Variants in PTPRM observed in about 807,000 individuals in gnomAD.
PTPRM encodes the protein receptor-type tyrosine-protein phosphatase mu.
A neutral mutation model predicts 186.7 loss-of-function variants in PTPRM; 47 were observed. The observed-to-expected ratio is 0.25, with a 90% CI of 0.20 to 0.32. The LOEUF (loss-of-function observed/expected upper bound fraction) is 0.32. PTPRM is among the 10% of genes least tolerant of loss of function. The pLI is 1.00. For missense variants in PTPRM, 1,494 were observed against 1,865.0 expected (o/e 0.80, Z 3.66); for synonymous variants, 668 against 674.9 (o/e 0.99, Z 0.16).
chr18:7,654,967 A>T (rs2038813551), intron 1 of PTPRM, among the ~76,000 whole-genome samples: 1 of 151,896 alleles, frequency 6.6e-6, no homozygotes, highest in Non-Finnish European at 1.5e-5. Context: ...TTTTAAATAG[A>T]TTTTTCTAGT....
At chr18:7,626,007 T>G (rs1192443183) in intron 1 of PTPRM, among the ~76,000 whole-genome samples, 1 of 152,180 alleles carries the variant, frequency 6.6e-6, no homozygotes, top group Non-Finnish European at 1.5e-5. Flanking sequence ...CTCAGCTTCA[T>G]TTTCCTGTAA....
chr18:8,282,935 C>T (rs973205273), intron 19 of PTPRM, among the ~76,000 whole-genome samples: 4 of 152,280 alleles, frequency 2.6e-5, no homozygotes, highest in African/African-American at 9.6e-5. Flanking sequence ...TAGACAACAA[C>T]TTGGATGGAT....
At chr18:7,591,020 C>T (rs1188927361) in intron 1 of PTPRM, among the ~76,000 whole-genome samples, 1 of 152,180 alleles carries the variant, frequency 6.6e-6, no homozygotes, top group Non-Finnish European at 1.5e-5. Flanking sequence ...TATGAACTGG[C>T]TGGCAAAGAG....
rs113416367 is a variant in PTPRM at position 7,977,192 on chromosome 18, T to C, written c.1132+21778T>C. On this transcript the variant is annotated intron_variant, in intron 7 of 32. Coordinates refer to ENST00000580170, the MANE Select transcript of PTPRM (RefSeq NM_001105244.2). ...GCAACCTCCACCTCCTGGGATCAAG[T>C]AATTCTCCTGCCTCAGCCTCCTGAG... Among the ~76,000 whole-genome samples the C allele has an allele frequency of 5.0e-3, 755 of 152,212 alleles. 7 individuals are homozygous for C. The highest frequency in any genetic ancestry group is 0.017 in the African/African-American group (715 of 41,542).
In PTPRM at chr18:8,384,311, A is replaced by G. The variant is rs567270242; in HGVS notation, c.3919-250A>G. On this transcript the variant is annotated intron_variant, in intron 29 of 32. Transcript: ENST00000580170. The stretch of plus-strand genomic sequence containing the variant: ...CTGTGTCTCCAAAAATACAAAAATT[A>G]GCCAGGCATGGTAGCACACACCTGT... Among the ~76,000 whole-genome samples the G allele has an allele frequency of 3.3e-5, 5 of 152,280 alleles. No homozygotes were observed. In the East Asian group the frequency reaches 9.7e-4, roughly 29 times the overall value.
intron 14 of PTPRM, among the ~76,000 whole-genome samples, chr18:8,220,985 A>G (rs908652568): frequency 1.3e-5 from 2 of 152,324 alleles, no homozygotes; most frequent in Non-Finnish European, 2.9e-5. Context: ...GAACAAAATG[A>G]GAATAATCAG....
At chr18:8,203,171 T>G (rs2093881419) in intron 14 of PTPRM, among the ~76,000 whole-genome samples, 1 of 152,248 alleles carries the variant, frequency 6.6e-6, no homozygotes, top group African/African-American at 2.4e-5. Context: ...GATTCAGTTA[T>G]ATGGAGCAGC....
At chr18:7,749,599 A>G (rs989759266) in intron 1 of PTPRM, among the ~76,000 whole-genome samples, 5 of 152,116 alleles carry the variant, frequency 3.3e-5, no homozygotes, top group Admixed American at 6.5e-5. Context: ...TGGAAGGGTA[A>G]TTAGAGTCTG....
At chr18:7,981,012 G>C (rs2082519064) in intron 7 of PTPRM, among the ~76,000 whole-genome samples, 2 of 152,212 alleles carry the variant, frequency 1.3e-5, no homozygotes, top group African/African-American at 4.8e-5. Context: ...CTCTCCATCA[G>C]TTCCCCTTGT....
At chr18:8,323,176 G>A (rs1047402885) in intron 22 of PTPRM, among the ~76,000 whole-genome samples, 3 of 152,074 alleles carry the variant, frequency 2.0e-5, no homozygotes, top group African/African-American at 7.2e-5. Flanking sequence ...AGATAACTCA[G>A]GGAAAGACCA....
At position 8,321,787 on chromosome 18, in the gene PTPRM, G is replaced by A. The variant is rs78351123; in HGVS notation, c.2956+2573G>A. Among the ~76,000 whole-genome samples, 808 of 152,252 alleles carry A rather than the reference G, an allele frequency of 5.3e-3. 5 individuals carry two copies. The highest frequency in any genetic ancestry group is 0.019 in the African/African-American group (772 of 41,536). ...TGAATGAATATTTTTAATCTAACAT[G>A]CAGTCAAGAATATACATATCATATT... On this transcript the variant is annotated intron_variant, in intron 22 of 32. Coordinates refer to ENST00000580170, the MANE Select transcript of PTPRM (RefSeq NM_001105244.2).
intron 22 of PTPRM, among the ~76,000 whole-genome samples, chr18:8,340,628 C>A (rs1198975773): frequency 2.6e-5 from 4 of 152,260 alleles, no homozygotes; most frequent in South Asian, 2.1e-4. Context: ...TACATCCAAG[C>A]AAAACAGGAT....
Position 8,041,005 on chromosome 18 carries a change from A to G in PTPRM, c.1133-28681A>G, listed in dbSNP as rs181135238. 3.6e-3 allele frequency among the ~76,000 whole-genome samples: 554 copies of G among 152,292 alleles called. 4 individuals are homozygous for G. The highest frequency in any genetic ancestry group is 4.3e-3 in the Admixed American group (66 of 15,286). On this transcript the variant is annotated intron_variant, in intron 7 of 32. Coordinates refer to ENST00000580170, the MANE Select transcript of PTPRM (RefSeq NM_001105244.2). ...AGTAAAGTCTTGTCTCGCATTCTCC[A>G]TTTAGCCAACATTGTTGGTGGTAAT...
chr18:8,183,262 A>G (rs2098264), intron 14 of PTPRM, among the ~76,000 whole-genome samples: 47,753 of 152,058 alleles, frequency 0.31, 7,852 homozygotes, highest in Non-Finnish European at 0.38. Context: ...CTTACAAGTT[A>G]TTTAAATATG....
chr18:7,945,327 G>A (rs2052451079), intron 5 of PTPRM, among the ~76,000 whole-genome samples: 2 of 151,910 alleles, frequency 1.3e-5, no homozygotes, highest in Non-Finnish European at 2.9e-5. Context: ...ATCCAGGCAT[G>A]GTGGCGGGCA....
intron 2 of PTPRM, among the ~76,000 whole-genome samples, chr18:7,795,549 T>A (rs1318572200): frequency 2.6e-5 from 4 of 152,134 alleles, no homozygotes; most frequent in African/African-American, 9.6e-5. Context: ...TATGTCTTTG[T>A]TTGTGAGAGT....
At chr18:7,650,666 A>C (rs914868010) in intron 1 of PTPRM, among the ~76,000 whole-genome samples, 2 of 152,174 alleles carry the variant, frequency 1.3e-5, no homozygotes, top group Non-Finnish European at 2.9e-5. Context: ...TCACAGTGAT[A>C]TAGAGATTCA....
intron 7 of PTPRM, among the ~76,000 whole-genome samples, chr18:7,966,840 G>C (rs1048916213): frequency 1.5e-4 from 19 of 129,300 alleles, no homozygotes; most frequent in Non-Finnish European, 2.9e-4. Context: ...CAGCACAGCA[G>C]TCTGAGATCA....
At chr18:8,193,986 T>C (rs940386905) in intron 14 of PTPRM, among the ~76,000 whole-genome samples, 23 of 152,244 alleles carry the variant, frequency 1.5e-4, no homozygotes, top group Admixed American at 2.0e-4. Flanking sequence ...TGGGTTGACA[T>C]TGACTGTTTT....
Sources: allele counts gnomAD v4.1 joint callset (sites outside exome capture counted in the v4.1 genomes callset), GRCh38; gene constraint gnomAD v4.1.1; transcripts MANE v1.5; gene names NCBI Gene and HGNC (gene_info 2026-07-23, HGNC 2026-07-21).